Variants in HPS4 observed in about 807,000 individuals in gnomAD.
The protein encoded by HPS4 is BLOC-3 complex member HPS4.
Under a neutral mutation model 70.3 loss-of-function variants are expected in HPS4, and 44 were observed. That is an observed-to-expected ratio of 0.63 (90% CI 0.49 to 0.80). The LOEUF is 0.80. HPS4 is among the 30% of genes least tolerant of loss of function. The pLI is 0.00. For missense variants in HPS4, 873 were observed against 884.4 expected, an observed-to-expected ratio of 0.99 and a Z score of 0.16; for synonymous variants, 377 against 355.9, an observed-to-expected ratio of 1.06 and a Z score of -0.67.
chr22:26,457,210 CTTTTT>C (rs1555889771), intron 13 of HPS4, among the ~76,000 whole-genome samples: 2 of 25,552 alleles, frequency 7.8e-5, no homozygotes, highest in Admixed American at 9.5e-4. Flanking sequence ...GCACGTATTA[CTTTTT>C]TTTTTTTTTT....
At chr22:26,472,737 GA>G in intron 5 of HPS4, 94 bp downstream of exon 5, 1 of 959,682 alleles carries the variant, frequency 1.0e-6, no homozygotes, top group East Asian at 2.4e-5. Context: ...GTGTTTATAT[GA>G]AGTATACAAG....
chr22:26,454,689 A>T, intron 13 of HPS4, among the ~76,000 whole-genome samples: 1 of 152,076 alleles, frequency 6.6e-6, no homozygotes. Context: ...TTCACATCTA[A>T]AACACCAAAA....
Position 26,458,589 on chromosome 22 carries a change from G to A in HPS4, c.1714-12C>T. 6.2e-7 allele frequency: 1 copy of A among 1,613,896 alleles called. No homozygotes were observed. The highest frequency in any genetic ancestry group is 1.3e-5 in the African/African-American group (1 of 74,998). ...AGGCTGCTGTGGTACTGCAAAGGGG[G>A]AGAGGGTCATGGGCTTGTAGGGCTG... On this transcript the variant is annotated splice_polypyrimidine_tract_variant and intron_variant, in intron 11 of 13. Coordinates refer to ENST00000398145, the MANE Select transcript of HPS4 (RefSeq NM_022081.6).
Position 26,479,302 on chromosome 22 carries a change from G to A in HPS4, c.95C>T (p.Pro32Leu), listed in dbSNP as rs753004509. 26 of 1,613,980 alleles carry A rather than the reference G, an allele frequency of 1.6e-5. No individual in the cohort carries two copies. In the South Asian group the frequency reaches 2.7e-4, roughly 17 times the overall value. Reference protein sequence around the residue: ...DGSKVKEEGDPTRAGICYFYP... With the variant: ...DGSKVKEEGDLTRAGICYFYP... ...AAAGTAACAAATGCCAGCTCTTGTTGGATCGCCTTCTTCCTTTACCTTGGA... is the reference window on the plus strand; with the variant it reads ...AAAGTAACAAATGCCAGCTCTTGTTAGATCGCCTTCTTCCTTTACCTTGGA... Residue 32 changes from proline to leucine, a missense_variant, in exon 3 of 14, where the codon CCA (proline) becomes CTA (leucine). Pro to Leu is a moderately conservative substitution (Grantham distance 98, BLOSUM62 -3). Coordinates refer to ENST00000398145, the MANE Select transcript of HPS4 (RefSeq NM_022081.6).
chr22:26,480,685 G>C (rs2091192634), intron 2 of HPS4, among the ~76,000 whole-genome samples: 1 of 152,082 alleles, frequency 6.6e-6, no homozygotes, highest in African/African-American at 2.4e-5. Context: ...GAGAGGCCTA[G>C]GTAGGAGGAC....
intron 13 of HPS4, among the ~76,000 whole-genome samples, chr22:26,454,593 A>C (rs568139669): frequency 2.2e-4 from 34 of 152,366 alleles, no homozygotes; most frequent in African/African-American, 7.5e-4. Context: ...AGATGGATTA[A>C]AGACTTACAT....
intron 2 of HPS4, among the ~76,000 whole-genome samples, chr22:26,480,998 A>G (rs1439672930): frequency 6.6e-6 from 1 of 152,178 alleles, no homozygotes; most frequent in Non-Finnish European, 1.5e-5. Context: ...GGCTGGATGT[A>G]CAACTGGCTG....
rs2084887113 is a variant in HPS4 at position 26,444,226 on chromosome 22, TG to T, written n.986del. ...TTTTGCTTTGGAGTTCTGTTGCCTA[TG>T]TTTTTTTTTTTTTCATTTATTTGTC... is the stretch of plus-strand genomic sequence containing the variant. On this transcript the variant is annotated non_coding_transcript_exon_variant, in exon 4 of 4. Coordinates refer to the HPS4 transcript ENST00000493455. 5 of 145,906 alleles carry T rather than the reference TG, an allele frequency of 3.4e-5. No homozygotes were observed. The South Asian group carries it at 8.4e-4, about 25-fold the overall frequency. 9.0% of individuals were successfully genotyped at this position (145,906 alleles called of 1,614,324 possible). A position where few individuals can be genotyped will look rare whatever the true frequency, so the allele number is the denominator to read the frequency against.
intron 9 of HPS4, 54 bp from the exon 10 acceptor site, chr22:26,465,605 C>A: frequency 6.9e-7 from 1 of 1,441,608 alleles, no homozygotes; most frequent in Non-Finnish European, 9.7e-7. Context: ...GAGAGGGCAG[C>A]GGGGCAATAG....
Position 26,464,408 on chromosome 22 carries a change from C to G in HPS4, c.1222G>C (p.Ala408Pro). ...RAPYCKASLS[A>P]SSSLEPTPPE... The stretch of plus-strand genomic sequence containing the variant: ...GGCGTGGGTTCCAGGCTGCTGGAGG[C>G]GCTGAGAGATGCCTTGCAGTAAGGA... Residue 408 changes from alanine (A) to proline (P), a missense_variant, in exon 11 of 14, where the codon GCC (alanine) becomes CCC (proline). Physicochemically the swap from Ala to Pro is conservative, Grantham distance 27. Coordinates refer to ENST00000398145, the MANE Select transcript of HPS4 (RefSeq NM_022081.6). The G allele has an allele frequency of 6.2e-7, 1 of 1,614,176 alleles. No individual in the cohort carries two copies. The highest frequency in any genetic ancestry group is 8.5e-7 in the Non-Finnish European group (1 of 1,180,034).
rs939073953 is a variant in HPS4 at position 26,454,581 on chromosome 22, C to T, written c.1956-1177G>A. Among the ~76,000 whole-genome samples the T allele has an allele frequency of 1.4e-4, 21 of 152,108 alleles. 1 individual carries two copies. Among genetic ancestry groups the T allele is most frequent in the African/African-American group, 5.1e-4 (21 of 41,412 alleles). On this transcript the variant is annotated intron_variant, in intron 13 of 13. Transcript: ENST00000398145. ...CTTACACCTTACACAAAAATTAATTCAAGATGGATTAAAGACTTACATGTT... is the reference window on the plus strand; with the variant it reads ...CTTACACCTTACACAAAAATTAATTTAAGATGGATTAAAGACTTACATGTT...
At position 26,464,422 on chromosome 22, in the gene HPS4, T is replaced by G; in HGVS notation, c.1208A>C (p.Lys403Thr). The part of the protein sequence containing the change: ...PVPDGRAPYC[K>T]ASLSASSSLE... The stretch of plus-strand genomic sequence containing the variant: ...GCTGCTGGAGGCGCTGAGAGATGCC[T>G]TGCAGTAAGGAGCCCTGCCATCTGG... Residue 403 changes from lysine to threonine, a missense_variant, in exon 11 of 14, where the codon AAG becomes ACG. Coordinates refer to ENST00000398145, the MANE Select transcript of HPS4 (RefSeq NM_022081.6). The G allele has an allele frequency of 1.9e-6, 3 of 1,614,184 alleles. No homozygotes were observed. Among genetic ancestry groups the G allele is most frequent in the Non-Finnish European group, 2.5e-6 (3 of 1,180,018 alleles).
At chr22:26,466,719 A>AATGCTATTCCCAATCTCTCGTTTGTTC in intron 8 of HPS4, 1 of 230,784 alleles carries the variant, frequency 4.3e-6, no homozygotes, top group Non-Finnish European at 8.8e-6. Context: ...ACTTAAACAA[A>AATGCTATTCCCAATCTCTCGTTTGTTC]ATGCTATACC....
In HPS4 at chr22:26,482,088, C is replaced by G; in HGVS notation, c.-326G>C. On this transcript the variant is annotated 5_prime_UTR_variant, in exon 2 of 14. Coordinates refer to ENST00000398145, the MANE Select transcript of HPS4 (RefSeq NM_022081.6). ...TCACTGTGGCTGTCTGCAGAACCACCTCTTCAAGCTCCTCTCCAGGAAAGC... is the reference window on the plus strand; with the variant it reads ...TCACTGTGGCTGTCTGCAGAACCACGTCTTCAAGCTCCTCTCCAGGAAAGC... 2.9e-6 allele frequency: 1 copy of G among 349,452 alleles called. No homozygotes were observed. The allele number at this position is 349,452 out of a possible 1,614,324, so 21.6% of individuals were successfully genotyped here. A position where few individuals can be genotyped will look rare whatever the true frequency, so the allele number is the denominator to read the frequency against.
intron 7 of HPS4, 54 bp from the exon 8 acceptor site, chr22:26,468,677 C>T (rs2089199985): frequency 1.8e-5 from 28 of 1,542,140 alleles, no homozygotes; most frequent in Admixed American, 3.4e-5. Flanking sequence ...CACCAAAACA[C>T]TCCAAATTTT....
Position 26,455,865 on chromosome 22 carries a change from C to T in HPS4, c.1955+1994G>A, listed in dbSNP as rs550701447. On this transcript the variant is annotated intron_variant, in intron 13 of 13. Coordinates refer to ENST00000398145, the MANE Select transcript of HPS4 (RefSeq NM_022081.6). ...TCTCAGCTCTAAGGAAGGTGACATA[C>T]TGCAGGGCCACAAGGTGGTTGGTGG... Among the ~76,000 whole-genome samples, 5 of 152,238 alleles carry T rather than the reference C, an allele frequency of 3.3e-5. No homozygotes were observed. The South Asian group carries it at 1.0e-3, about 32-fold the overall frequency.
chr22:26,446,476 A>G (rs1447351582), downstream of HPS4, among the ~76,000 whole-genome samples: 2 of 152,192 alleles, frequency 1.3e-5, no homozygotes, highest in Non-Finnish European at 2.9e-5. Flanking sequence ...CGGAAACCCC[A>G]AAGCACACAC....
chr22:26,446,665 G>A (rs1277876491), downstream of HPS4, among the ~76,000 whole-genome samples: 4 of 152,180 alleles, frequency 2.6e-5, no homozygotes, highest in Non-Finnish European at 5.9e-5. Flanking sequence ...TAAAGTCTGA[G>A]CTATGGCCCT....
In HPS4 at chr22:26,463,911, A is replaced by T; in HGVS notation, c.1713+6T>A. 6.2e-7 allele frequency: 1 copy of T among 1,612,364 alleles called. No individual in the cohort carries two copies. The highest frequency in any genetic ancestry group is 8.5e-7 in the Non-Finnish European group (1 of 1,179,768). On this transcript the variant is annotated splice_donor_region_variant and intron_variant, in intron 11 of 13. Coordinates refer to ENST00000398145, the MANE Select transcript of HPS4 (RefSeq NM_022081.6). ...GAGGGGCAGGAGAAGGTCTGAGGAC[A>T]CTCACCACTTCCTCTATGGCTGCGC...
Sources: gnomAD v4.1 joint callset for allele counts (sites outside exome capture counted in the v4.1 genomes callset) on GRCh38, gnomAD v4.1.1 for gene constraint, MANE v1.5 for transcripts, NCBI Gene and HGNC (gene_info 2026-07-23, HGNC 2026-07-21) for gene names.